TBCK: variants seen among roughly 807,000 people sequenced by gnomAD.
The protein encoded by TBCK is TBC domain-containing protein kinase-like protein.
Under a neutral mutation model 113.4 loss-of-function variants are expected in TBCK, and 99 were observed. That is an observed-to-expected ratio of 0.87 (90% CI 0.74 to 1.03). TBCK has a LOEUF of 1.03. Among genes scored for constraint, TBCK ranks in the 50% least tolerant of loss-of-function variants. The probability of loss-of-function intolerance (pLI) is 0.00; values close to 1 mark genes in which losing one functional copy is unlikely to be tolerated. For missense variants in TBCK, 1,045 were observed against 1,061.3 expected (o/e 0.98, Z 0.21); for synonymous variants, 369 against 370.8 (o/e 1.00, Z 0.05).
intron 23 of TBCK, among the ~76,000 whole-genome samples, chr4:106,128,424 A>T (rs1420853145): frequency 6.6e-6 from 1 of 152,212 alleles, no homozygotes; most frequent in African/African-American, 2.4e-5. Context: ...GAATAATCCG[A>T]GGAAAATCCA....
intron 25 of TBCK, among the ~76,000 whole-genome samples, chr4:106,065,892 T>A (rs1416530313): frequency 6.6e-6 from 1 of 152,026 alleles, no homozygotes; most frequent in East Asian, 1.9e-4. Flanking sequence ...CTTTACTCTG[T>A]TCTGGTGAAA....
intron 19 of TBCK, among the ~76,000 whole-genome samples, chr4:106,216,463 C>A (rs984290410): frequency 2.3e-4 from 35 of 151,994 alleles, no homozygotes; most frequent in Non-Finnish European, 3.5e-4. Context: ...AATTGATAGA[C>A]CGCTAGCAAG....
chr4:106,117,030 C>T lies in TBCK; in HGVS notation c.2236-652G>A, dbSNP rs188518920. On this transcript the variant is annotated intron_variant, in intron 23 of 25. Transcript: ENST00000394708. ...ACACTGTCTTCTAGGAAACCAGTCC[C>T]TGGTGCCAAAACGGCTGGGGACCGC... 1.9e-4 allele frequency among the ~76,000 whole-genome samples: 29 copies of T among 152,192 alleles called. 2 individuals are homozygous for T. The highest frequency in any genetic ancestry group is 1.8e-3 in the Admixed American group (28 of 15,282).
At chr4:106,066,501 T>C (rs1026997372) in intron 25 of TBCK, among the ~76,000 whole-genome samples, 2 of 151,998 alleles carry the variant, frequency 1.3e-5, no homozygotes, top group African/African-American at 4.8e-5. Flanking sequence ...ATTCTATACC[T>C]TATTTGAAAA....
At chr4:106,273,934 TG>T (rs1186667590) in intron 3 of TBCK, among the ~76,000 whole-genome samples, 1 of 152,234 alleles carries the variant, frequency 6.6e-6, no homozygotes, top group Non-Finnish European at 1.5e-5. Flanking sequence ...ATCACATGTT[TG>T]GTCTTTCGAA....
chr4:106,276,072 T>C (rs907610168), intron 3 of TBCK, among the ~76,000 whole-genome samples: 1 of 152,020 alleles, frequency 6.6e-6, no homozygotes, highest in Non-Finnish European at 1.5e-5. Context: ...AACAGAAAAA[T>C]AGAGCAATGA....
intron 15 of TBCK, among the ~76,000 whole-genome samples, chr4:106,234,812 C>T (rs1759269058): frequency 1.3e-5 from 2 of 152,180 alleles, no homozygotes; most frequent in African/African-American, 4.8e-5. Flanking sequence ...AGTGCTATTT[C>T]TCTTGGTAGC....
chr4:106,162,335 T>A (rs1749893183), intron 23 of TBCK, among the ~76,000 whole-genome samples: 1 of 152,176 alleles, frequency 6.6e-6, no homozygotes, highest in African/African-American at 2.4e-5. Context: ...TCCACTGCTT[T>A]CATAGGATGG....
At chr4:106,181,724 CTA>C (rs1378173867) in intron 22 of TBCK, among the ~76,000 whole-genome samples, 2 of 152,048 alleles carry the variant, frequency 1.3e-5, no homozygotes, top group African/African-American at 2.4e-5. Context: ...TTCTATTGGT[CTA>C]TATATCTGTT....
At chr4:106,216,734 C>G (rs1756980709) in intron 19 of TBCK, among the ~76,000 whole-genome samples, 1 of 152,032 alleles carries the variant, frequency 6.6e-6, no homozygotes, top group Non-Finnish European at 1.5e-5. Context: ...AATAGCTTAC[C>G]AACCAAAAAG....
chr4:106,148,815 G>GGA (rs2149675435), intron 23 of TBCK, among the ~76,000 whole-genome samples: 1 of 152,256 alleles, frequency 6.6e-6, no homozygotes, highest in Admixed American at 6.5e-5. Context: ...GCCCCTAACA[G>GGA]GAGAGTCAGC....
At position 106,251,870 on chromosome 4, in the gene TBCK, C is replaced by A; in HGVS notation, c.593G>T (p.Cys198Phe). ...WSLGIILFEL[C>F]VGRKLFQSLD... ...TTAATATTTCTTTATACATACCACA[C>A]AAAGCTCAAATAAAATGATTCCAAG... The change falls in exon 6 of 26, where the codon TGT becomes TTT. Residue 198 changes from cysteine (C) to phenylalanine (F), a missense_variant. By Grantham distance (205) the Cys-to-Phe change is radical. Coordinates refer to ENST00000394708, the MANE Select transcript of TBCK (RefSeq NM_001163435.3). 1.3e-6 allele frequency: 2 copies of A among 1,597,128 alleles called. No individual in the cohort carries two copies. Among genetic ancestry groups the A allele is most frequent in the Non-Finnish European group, 1.7e-6 (2 of 1,172,300 alleles).
intron 22 of TBCK, among the ~76,000 whole-genome samples, chr4:106,182,822 A>C (rs1211552145): frequency 6.6e-6 from 1 of 152,112 alleles, no homozygotes; most frequent in African/African-American, 2.4e-5. Context: ...GTCTAAGGAC[A>C]ATACTCTGAC....
Position 106,248,967 on chromosome 4 carries a change from G to A in TBCK, c.674C>T (p.Thr225Ile), listed in dbSNP as rs1383178106. Residue 225 changes from threonine to isoleucine, a missense_variant, in exon 8 of 26, where the codon ACT becomes ATT. Thr to Ile is a moderately conservative substitution (Grantham distance 89, BLOSUM62 -1). Transcript: ENST00000394708. ...FLLTLDCVDD[T>I]LIVLAEEHGC... Reference sequence around the variant, plus strand: ...ATGCTCTTCAGCCAGAACTATTAAAGTGTCATCTACACAATCTATAAAACA... The same window carrying A: ...ATGCTCTTCAGCCAGAACTATTAAAATGTCATCTACACAATCTATAAAACA... 1.9e-6 allele frequency: 3 copies of A among 1,606,004 alleles called. No homozygotes were observed. The African/African-American group carries it at 4.0e-5, about 22-fold the overall frequency.
chr4:106,114,095 G>C (rs1030711640), intron 24 of TBCK, among the ~76,000 whole-genome samples: 1 of 152,122 alleles, frequency 6.6e-6, no homozygotes, highest in Non-Finnish European at 1.5e-5. Flanking sequence ...GCCGGAATGC[G>C]AGCAGTGCCC....
At position 106,080,880 on chromosome 4, in the gene TBCK, A is replaced by T. The variant is rs547277447; in HGVS notation, c.2571+14602T>A. On this transcript the variant is annotated intron_variant, in intron 25 of 25. Transcript: ENST00000394708. Reference sequence around the variant, plus strand: ...CAAAAAACATGAACAGATACCTCTCAAAAGAAGAAATTCACACAGCCAACG... The same window carrying T: ...CAAAAAACATGAACAGATACCTCTCTAAAGAAGAAATTCACACAGCCAACG... 1.1e-3 allele frequency among the ~76,000 whole-genome samples: 163 copies of T among 152,362 alleles called. 1 individual carries two copies. The highest frequency in any genetic ancestry group is 3.4e-3 in the Middle Eastern group (1 of 294).
chr4:106,081,106 A>T (rs1451382762), intron 25 of TBCK, among the ~76,000 whole-genome samples: 2 of 152,198 alleles, frequency 1.3e-5, no homozygotes, highest in Non-Finnish European at 2.9e-5. Flanking sequence ...AACTAACTGG[A>T]ATTGCCATCA....
intron 3 of TBCK, among the ~76,000 whole-genome samples, chr4:106,294,788 T>C (rs1019850017): frequency 3.9e-5 from 6 of 152,088 alleles, no homozygotes; most frequent in Non-Finnish European, 1.5e-5. Context: ...GCCAGGAAAA[T>C]AATCTTAATC....
chr4:106,227,274 A>G lies in TBCK; in HGVS notation c.1774+3089T>C, dbSNP rs148542451. Among the ~76,000 whole-genome samples the G allele has an allele frequency of 2.8e-3, 419 of 152,190 alleles. 2 individuals are homozygous for G. Among genetic ancestry groups the G allele is most frequent in the African/African-American group, 9.3e-3 (388 of 41,530 alleles). ...GACACAGATATATAGGAATGAACAC[A>G]TGATTCAATTTGCTTGTAAACACAA... On this transcript the variant is annotated intron_variant, in intron 19 of 25. Transcript: ENST00000394708.
Sources: allele counts gnomAD v4.1 joint callset (sites outside exome capture counted in the v4.1 genomes callset), GRCh38; gene constraint gnomAD v4.1.1; transcripts MANE v1.5; gene names NCBI Gene and HGNC (gene_info 2026-07-23, HGNC 2026-07-21).